LHFPL3: variants seen among roughly 807,000 people sequenced by gnomAD.
LHFPL3 encodes LHFPL tetraspan subfamily member 3 protein.
LHFPL3 carries 5 observed loss-of-function variants against 19.3 expected under a neutral mutation model. The observed-to-expected ratio is 0.26, with a 90% CI of 0.14 to 0.54. The LOEUF is 0.54. Among genes scored for constraint, LHFPL3 ranks in the 20% least tolerant of loss-of-function variants. The pLI is 0.94. For synonymous variants in LHFPL3, 133 were observed against 126.2 expected, an observed-to-expected ratio of 1.05 and a Z score of -0.36; for missense variants, 249 against 307.4, an observed-to-expected ratio of 0.81 and a Z score of 1.42.
At chr7:104,812,180 CA>C (rs1449746031) in intron 2 of LHFPL3, among the ~76,000 whole-genome samples, 2 of 152,204 alleles carry the variant, frequency 1.3e-5, no homozygotes, top group Non-Finnish European at 2.9e-5. Context: ...TCACAGTCCA[CA>C]AAGTCTCCAT....
chr7:104,668,787 C>G, intron 1 of LHFPL3: 1 of 1,558,400 alleles, frequency 6.4e-7, no homozygotes. Context: ...GATTCCTCTG[C>G]TAGTAACTCC....
In LHFPL3 at chr7:104,496,447, T is replaced by C. The variant is rs192041385; in HGVS notation, c.445+167223T>C. Among the ~76,000 whole-genome samples, 85 of 152,342 alleles carry C rather than the reference T, an allele frequency of 5.6e-4. 1 individual carries two copies. Among genetic ancestry groups the C allele is most frequent in the Middle Eastern group, 6.8e-3 (2 of 294 alleles). The stretch of plus-strand genomic sequence containing the variant: ...ATAAACATACGTGTGCATGTGTCTT[T>C]ATAGCAGCATGATTTATAATCCTTT... On this transcript the variant is annotated intron_variant, in intron 1 of 2. Coordinates refer to ENST00000424859, the MANE Select transcript of LHFPL3 (RefSeq NM_199000.3).
At chr7:104,765,234 T>C (rs1418104869) in intron 2 of LHFPL3, among the ~76,000 whole-genome samples, 1 of 152,176 alleles carries the variant, frequency 6.6e-6, no homozygotes, top group Admixed American at 6.5e-5. Flanking sequence ...GCTCCTCTAC[T>C]CCCTTTTCAG....
At chr7:104,501,283 T>C (rs1192667010) in intron 1 of LHFPL3, among the ~76,000 whole-genome samples, 3 of 152,202 alleles carry the variant, frequency 2.0e-5, no homozygotes, top group Non-Finnish European at 4.4e-5. Context: ...TAATGCTGCT[T>C]TCCTTTCAAC....
intron 1 of LHFPL3, among the ~76,000 whole-genome samples, chr7:104,618,648 C>CA (rs1194536631): frequency 1.5e-3 from 225 of 148,384 alleles, no homozygotes; most frequent in African/African-American, 5.3e-3. Flanking sequence ...CTAGATAATC[C>CA]AAAAAAAATG....
At chr7:104,725,654 G>A (rs900201760) in intron 1 of LHFPL3, among the ~76,000 whole-genome samples, 4 of 152,126 alleles carry the variant, frequency 2.6e-5, no homozygotes, top group Non-Finnish European at 5.9e-5. Flanking sequence ...GTTATCACTA[G>A]ACAATGCCTT....
chr7:104,458,242 G>A (rs1042624142), intron 1 of LHFPL3, among the ~76,000 whole-genome samples: 1 of 151,992 alleles, frequency 6.6e-6, no homozygotes, highest in Non-Finnish European at 1.5e-5. Context: ...GGTTTTTATG[G>A]TTTTAGGTCT....
At chr7:104,872,745 CACGG>C (rs1791860413) in intron 2 of LHFPL3, among the ~76,000 whole-genome samples, 1 of 152,170 alleles carries the variant, frequency 6.6e-6, no homozygotes, top group Non-Finnish European at 1.5e-5. Flanking sequence ...GACAATAACA[CACGG>C]AGCTGTCATC....
chr7:104,745,044 T>C (rs369690118), intron 2 of LHFPL3, among the ~76,000 whole-genome samples: 1 of 152,242 alleles, frequency 6.6e-6, no homozygotes, highest in Non-Finnish European at 1.5e-5. Flanking sequence ...ATACCCTTTT[T>C]TGAATATCTA....
At chr7:104,768,884 G>T (rs1031974295) in intron 2 of LHFPL3, 4 of 152,206 alleles carry the variant, frequency 2.6e-5, no homozygotes, top group African/African-American at 7.2e-5. Flanking sequence ...ACAGCCATTG[G>T]ATAGTATGAG....
chr7:104,749,870 C>T (rs1036765114), intron 2 of LHFPL3, among the ~76,000 whole-genome samples: 21 of 152,272 alleles, frequency 1.4e-4, no homozygotes, highest in Admixed American at 9.8e-4. Context: ...AGTGGCCGCC[C>T]CTAAAAAGGA....
intron 1 of LHFPL3, among the ~76,000 whole-genome samples, chr7:104,610,458 G>T (rs1352363623): frequency 6.6e-6 from 1 of 152,022 alleles, no homozygotes; most frequent in Non-Finnish European, 1.5e-5. Flanking sequence ...AATCATGGAG[G>T]TTGAGAAATC....
intron 1 of LHFPL3, among the ~76,000 whole-genome samples, chr7:104,334,884 G>T (rs1218041742): frequency 1.3e-5 from 2 of 152,072 alleles, no homozygotes; most frequent in African/African-American, 4.8e-5. Context: ...TCAAGAGATT[G>T]GGTTTTCTTT....
chr7:104,405,192 A>G lies in LHFPL3; in HGVS notation c.445+75968A>G, dbSNP rs60947786. Among the ~76,000 whole-genome samples the G allele has an allele frequency of 7.9e-3, 1,199 of 152,282 alleles. 78 individuals carry two copies. The East Asian group carries it at 0.16, about 20-fold the overall frequency. On this transcript the variant is annotated intron_variant, in intron 1 of 2. Coordinates refer to ENST00000424859, the MANE Select transcript of LHFPL3 (RefSeq NM_199000.3). Reference sequence around the variant, plus strand: ...GTCAGTCTGGTTTTCTAGTGATTCAATTTTTGAGCCTAGCAAAACAATTTC... The same window carrying G: ...GTCAGTCTGGTTTTCTAGTGATTCAGTTTTTGAGCCTAGCAAAACAATTTC...
intron 1 of LHFPL3, among the ~76,000 whole-genome samples, chr7:104,478,234 A>C (rs1793063415): frequency 6.6e-6 from 1 of 152,024 alleles, no homozygotes; most frequent in Admixed American, 6.6e-5. Context: ...TTTTAATAAA[A>C]CTCCTGATAG....
At chr7:104,573,669 G>A (rs1283797916) in intron 1 of LHFPL3, among the ~76,000 whole-genome samples, 1 of 152,152 alleles carries the variant, frequency 6.6e-6, no homozygotes, top group Non-Finnish European at 1.5e-5. Flanking sequence ...CAGGGCCTGG[G>A]TAAAGGTTGG....
chr7:104,430,393 TATATATATATAC>T (rs1227076781), intron 1 of LHFPL3, among the ~76,000 whole-genome samples: 27 of 47,192 alleles, frequency 5.7e-4, no homozygotes, highest in African/African-American at 9.0e-4. Flanking sequence ...CATATATATA[TATATATATATAC>T]ATATATATAT....
At chr7:104,876,854 A>T (rs1215084190) in intron 2 of LHFPL3, among the ~76,000 whole-genome samples, 15 of 152,194 alleles carry the variant, frequency 9.9e-5, no homozygotes, top group African/African-American at 3.4e-4. Context: ...CTATTCACAA[A>T]AGCAAAGACT....
intron 2 of LHFPL3, among the ~76,000 whole-genome samples, chr7:104,898,010 T>C (rs1005311654): frequency 7.5e-6 from 1 of 133,272 alleles, no homozygotes; most frequent in Non-Finnish European, 1.6e-5. Context: ...TCACCCCTTT[T>C]TTTTTTTTTT....
Sources: allele counts gnomAD v4.1 joint callset (sites outside exome capture counted in the v4.1 genomes callset), GRCh38; gene constraint gnomAD v4.1.1; transcripts MANE v1.5; gene names NCBI Gene and HGNC (gene_info 2026-07-23, HGNC 2026-07-21).